The following COL6A5 variants were observed in gnomAD, a reference collection of about 807,000 sequenced individuals.
COL6A5 encodes the protein collagen alpha-5(VI) chain.
In COL6A5, 48 loss-of-function variants were observed where a neutral mutation model predicts 65.6. That is an observed-to-expected ratio of 0.73 (90% confidence interval 0.58 to 0.93). The LOEUF is 0.93. Ranked by LOEUF, COL6A5 falls within the 40% of genes least tolerant of loss-of-function variation. The probability of loss-of-function intolerance (pLI) is 0.00; values close to 1 mark genes in which losing one functional copy is unlikely to be tolerated. For synonymous variants in COL6A5, 291 were observed against 322.8 expected, an observed-to-expected ratio of 0.90 and a Z score of 1.05; for missense variants, 914 against 928.3, an observed-to-expected ratio of 0.98 and a Z score of 0.20.
exon 8 of COL6A5, chr3:130,395,313 T>C: frequency 6.4e-7 from 1 of 1,551,524 alleles, no homozygotes; most frequent in Non-Finnish European, 8.7e-7. Flanking sequence ...TGTGTCCTGG[T>C]TTTGGGCATA....
chr3:130,384,877 T>G, exon 5 of COL6A5: 2 of 1,550,870 alleles, frequency 1.3e-6, no homozygotes, highest in Middle Eastern at 3.3e-4. Context: ...AGAAACAGTT[T>G]GAGCAAATCA....
intron 1 of COL6A5, among the ~76,000 whole-genome samples, chr3:130,370,822 T>C (rs894184164): frequency 6.6e-6 from 1 of 152,136 alleles, no homozygotes; most frequent in Non-Finnish European, 1.5e-5. Context: ...TCTACAAAAT[T>C]AAGCTATTGC....
chr3:130,361,123 A>G lies in COL6A5; in HGVS notation c.-28-12488A>G, dbSNP rs369370074. On this transcript the variant is annotated intron_variant and NMD_transcript_variant, in intron 1 of 41. Transcript: ENST00000312481. ...TCATCCAAAGTCCAAAGTTTATGTT[A>G]GGGTTCACTCTTGGGAATGTACATT... Among the ~76,000 whole-genome samples, 68 of 152,212 alleles carry G rather than the reference A, an allele frequency of 4.5e-4. 1 individual carries two copies. Among genetic ancestry groups the G allele is most frequent in the South Asian group, 3.3e-3 (16 of 4,828 alleles).
intron 9 of COL6A5, 44 bp from the exon 10 acceptor site, chr3:130,397,986 T>C: frequency 6.5e-7 from 1 of 1,544,198 alleles, no homozygotes; most frequent in Non-Finnish European, 8.8e-7. Context: ...ATTCCCCAAT[T>C]ATATATTTAG....
exon 7 of COL6A5, chr3:130,391,254 A>C: frequency 6.4e-7 from 1 of 1,551,612 alleles, no homozygotes; most frequent in Non-Finnish European, 8.7e-7. Flanking sequence ...CAATATCAAG[A>C]TCACATGATT....
chr3:130,391,856 T>C, intron 7 of COL6A5, 102 bp downstream of exon 7: 3 of 867,240 alleles, frequency 3.5e-6, no homozygotes, highest in Non-Finnish European at 5.2e-6. Flanking sequence ...TGTTATGGAC[T>C]GAACATTTCT....
intron 1 of COL6A5, among the ~76,000 whole-genome samples, chr3:130,369,162 G>A (rs78947074): frequency 1.5e-3 from 227 of 152,294 alleles, no homozygotes; most frequent in Non-Finnish European, 2.4e-3. Flanking sequence ...TAGTGTAGAG[G>A]ACAGAGGGGA....
exon 8 of COL6A5, chr3:130,484,045 T>C (rs1396625763): frequency 5.6e-6 from 9 of 1,608,752 alleles, no homozygotes; most frequent in Non-Finnish European, 7.6e-6. Flanking sequence ...ATGGTGAAGA[T>C]ACAAGGTCAT....
chr3:130,454,675 T>C (rs555531005), intron 4 of COL6A5, among the ~76,000 whole-genome samples: 14 of 152,304 alleles, frequency 9.2e-5, no homozygotes, highest in Middle Eastern at 3.4e-3. Flanking sequence ...TGATTATAAA[T>C]GTAGACACTA....
chr3:130,345,737 C>T, exon 1 of COL6A5: 1 of 398,764 alleles, frequency 2.5e-6, no homozygotes, highest in Non-Finnish European at 4.4e-6. Flanking sequence ...GGGCACGGGT[C>T]AGCGCCGGCT....
chr3:130,364,995 A>G (rs1331700997), intron 1 of COL6A5, among the ~76,000 whole-genome samples: 4 of 152,222 alleles, frequency 2.6e-5, no homozygotes, highest in Admixed American at 2.6e-4. Context: ...TGATGTCATC[A>G]AAGATACATC....
chr3:130,349,501 T>A (rs1395333347), intron 1 of COL6A5, among the ~76,000 whole-genome samples: 1 of 152,198 alleles, frequency 6.6e-6, no homozygotes, highest in Non-Finnish European at 1.5e-5. Flanking sequence ...ATTATGTAAT[T>A]TTGTAGCTAA....
At chr3:130,422,599 T>C in intron 27 of COL6A5, 121 bp from the exon 28 acceptor site, 1 of 630,678 alleles carries the variant, frequency 1.6e-6, no homozygotes. Flanking sequence ...TAATGTTGTA[T>C]TGGCCTTCAT....
chr3:130,385,137 G>T, exon 5 of COL6A5: 1 of 1,551,012 alleles, frequency 6.4e-7, no homozygotes, highest in East Asian at 2.4e-5. Context: ...AAGGTTCCCT[G>T]TTACCTCATT....
At chr3:130,406,413 A>C (rs1577476848) in intron 17 of COL6A5, 92 bp downstream of exon 17, 1 of 994,714 alleles carries the variant, frequency 1.0e-6, no homozygotes, top group East Asian at 2.6e-5. Flanking sequence ...AGGGGATAAA[A>C]TTTACAACTG....
intron 20 of COL6A5, among the ~76,000 whole-genome samples, chr3:130,412,753 G>A (rs545826130): frequency 6.6e-6 from 1 of 152,260 alleles, no homozygotes; most frequent in East Asian, 1.9e-4. Context: ...CAGAACTTCA[G>A]TGGAAACATT....
intron 1 of COL6A5, among the ~76,000 whole-genome samples, chr3:130,437,979 G>A (rs146931212): frequency 6.6e-6 from 1 of 151,444 alleles, no homozygotes; most frequent in African/African-American, 2.4e-5. Flanking sequence ...AGATAGAGGG[G>A]TTTTTTTTGT....
chr3:130,380,037 T>C, exon 4 of COL6A5: 1 of 1,522,470 alleles, frequency 6.6e-7, no homozygotes, highest in Non-Finnish European at 8.8e-7. Flanking sequence ...AACAAAGGAA[T>C]CTTGATAAAA....
intron 17 of COL6A5, among the ~76,000 whole-genome samples, chr3:130,407,565 A>C (rs1354355727): frequency 6.6e-6 from 1 of 152,244 alleles, no homozygotes; most frequent in Non-Finnish European, 1.5e-5. Flanking sequence ...AAATATGCTA[A>C]GGGTGTAGCG....
Sources: allele counts gnomAD v4.1 joint callset (sites outside exome capture counted in the v4.1 genomes callset), GRCh38; gene constraint gnomAD v4.1.1; transcripts MANE v1.5; gene names NCBI Gene and HGNC (gene_info 2026-07-23, HGNC 2026-07-21).